Variants in ATP8A1 observed in about 807,000 individuals in gnomAD.
The protein encoded by ATP8A1 is ATPase phospholipid transporting 8A1.
In ATP8A1, 90 loss-of-function variants were observed where a neutral mutation model predicts 177.7. The ratio of observed to expected loss-of-function variants is 0.51; its 90% CI spans 0.43 to 0.60. The LOEUF is 0.60. ATP8A1 is among the 20% of genes least tolerant of loss of function. ATP8A1 has a pLI of 0.00. For missense variants in ATP8A1, 1,072 were observed against 1,392.8 expected (o/e 0.77, Z 3.67); for synonymous variants, 493 against 485.9 (o/e 1.01, Z -0.19).
Position 42,627,032 on chromosome 4 carries a change from G to C in ATP8A1, c.127C>G (p.Gln43Glu). Residue 43 changes from glutamine (Q) to glutamate (E), a missense_variant, in exon 2 of 37, where the codon CAG becomes GAG. By Grantham distance (29) the Gln-to-Glu change is conservative. This residue lies in a region of ATP8A1 where 344 missense variants were observed against 393.5 expected (regional missense o/e 0.87). Transcript: ENST00000381668. Reference protein sequence around the residue: ...QEEVRTIFINQPQLTKFCNNH... With the variant: ...QEEVRTIFINEPQLTKFCNNH... Reference sequence around the variant, plus strand: ...TTGCAGAATTTTGTCAGCTGGGGCTGGTTGATGAAAATAGTCCTTACTTCC... The same window carrying C: ...TTGCAGAATTTTGTCAGCTGGGGCTCGTTGATGAAAATAGTCCTTACTTCC... The C allele has an allele frequency of 6.2e-7, 1 of 1,614,042 alleles. No individual in the cohort carries two copies. The highest frequency in any genetic ancestry group is 1.7e-4 in the Middle Eastern group (1 of 6,060).
intron 35 of ATP8A1, among the ~76,000 whole-genome samples, chr4:42,417,877 C>T (rs151269856): frequency 2.2e-4 from 34 of 152,204 alleles, no homozygotes; most frequent in African/African-American, 8.2e-4. Context: ...CTATCTCTGC[C>T]CTGGAGCTGA....
intron 4 of ATP8A1, among the ~76,000 whole-genome samples, chr4:42,616,550 A>G (rs777530551): frequency 6.6e-6 from 1 of 152,222 alleles, no homozygotes; most frequent in Admixed American, 6.5e-5. Context: ...CACATCCTCT[A>G]TAATTTAATG....
intron 1 of ATP8A1, among the ~76,000 whole-genome samples, chr4:42,632,986 G>C (rs1386270150): frequency 1.3e-5 from 2 of 152,190 alleles, no homozygotes; most frequent in East Asian, 3.8e-4. Flanking sequence ...GTTCAGAAGA[G>C]CAGGAAAATT....
At chr4:42,587,875 T>C (rs1733786683) in intron 8 of ATP8A1, among the ~76,000 whole-genome samples, 1 of 152,146 alleles carries the variant, frequency 6.6e-6, no homozygotes, top group Non-Finnish European at 1.5e-5. Context: ...CTCAAAGTGC[T>C]GGGATTACAG....
At chr4:42,551,135 AT>A in intron 18 of ATP8A1, 62 bp downstream of exon 18, 1 of 1,352,362 alleles carries the variant, frequency 7.4e-7, no homozygotes, top group Non-Finnish European at 1.1e-6. Flanking sequence ...GTATTACTTT[AT>A]CTTTGAAGCT....
In ATP8A1 at chr4:42,507,335, G is replaced by A. The variant is rs540396331; in HGVS notation, c.1948-181C>T. On this transcript the variant is annotated intron_variant, in intron 22 of 36. Transcript: ENST00000381668. Reference sequence around the variant, plus strand: ...TCCTTGACTTTCATGCAGTCTTTAGGCATTACACTGAGGCTCCCTGAAACT... The same window carrying A: ...TCCTTGACTTTCATGCAGTCTTTAGACATTACACTGAGGCTCCCTGAAACT... Among the ~76,000 whole-genome samples the A allele has an allele frequency of 7.2e-5, 11 of 152,216 alleles. No homozygotes were observed. In the South Asian group the frequency reaches 1.5e-3, roughly 20 times the overall value.
intron 24 of ATP8A1, among the ~76,000 whole-genome samples, chr4:42,491,441 G>A (rs1257127965): frequency 1.3e-5 from 2 of 152,114 alleles, no homozygotes; most frequent in Non-Finnish European, 2.9e-5. Context: ...TGAGAAATTA[G>A]AGACTAGCAG....
Position 42,575,649 on chromosome 4 carries a change from T to G in ATP8A1, c.1179A>C (p.Thr393=), listed in dbSNP as rs770979712. ...EPTDTAAMAR[T]SNLNEELGQV... The stretch of plus-strand genomic sequence containing the variant: ...GGCCAAGTTCCTCATTCAGATTAGA[T>G]GTTCGAGCCATAGCAGCAGTGTCTG... Residue 393 remains threonine, a synonymous_variant, in exon 13 of 37, where the codon ACA becomes ACC. Transcript: ENST00000381668. The G allele has an allele frequency of 6.2e-7, 1 of 1,613,714 alleles. No individual in the cohort carries two copies. Among genetic ancestry groups the G allele is most frequent in the Non-Finnish European group, 8.5e-7 (1 of 1,179,744 alleles).
intron 21 of ATP8A1, among the ~76,000 whole-genome samples, chr4:42,522,938 C>T (rs868353483): frequency 3.0e-4 from 45 of 152,214 alleles, no homozygotes; most frequent in African/African-American, 1.0e-3. Flanking sequence ...TTCTTCAGTA[C>T]CAAGCATAGT....
chr4:42,609,169 T>C (rs1399219742), intron 5 of ATP8A1, among the ~76,000 whole-genome samples: 3 of 152,054 alleles, frequency 2.0e-5, no homozygotes, highest in Non-Finnish European at 4.4e-5. Flanking sequence ...TTTAAATGAG[T>C]TGTCCTAAAA....
intron 1 of ATP8A1, among the ~76,000 whole-genome samples, chr4:42,634,555 A>G (rs776045161): frequency 5.3e-5 from 8 of 152,174 alleles, no homozygotes; most frequent in Non-Finnish European, 8.8e-5. Flanking sequence ...TACAGAATAT[A>G]ATCAAGGAGG....
intron 22 of ATP8A1, among the ~76,000 whole-genome samples, chr4:42,507,793 A>AAAAAAAAC (rs1560402806): frequency 1.3e-4 from 15 of 118,164 alleles, no homozygotes; most frequent in South Asian, 3.3e-4. Context: ...AAAAAAAAAA[A>AAAAAAAAC]AAAAAAAAAA....
At chr4:42,532,913 C>T (rs577705105) in intron 20 of ATP8A1, among the ~76,000 whole-genome samples, 55 of 152,344 alleles carry the variant, frequency 3.6e-4, no homozygotes, top group Admixed American at 4.6e-4. Flanking sequence ...AATATTCCCC[C>T]CAGCCCTTAA....
chr4:42,495,318 TAACATATG>T (rs1348398610), intron 24 of ATP8A1, among the ~76,000 whole-genome samples: 2 of 152,250 alleles, frequency 1.3e-5, no homozygotes, highest in African/African-American at 4.8e-5. Flanking sequence ...GCTCCCATAA[TAACATATG>T]GATAAACCAT....
intron 15 of ATP8A1, among the ~76,000 whole-genome samples, chr4:42,563,207 A>G (rs4861203): frequency 0.89 from 135,462 of 152,242 alleles, 60,663 homozygotes; most frequent in East Asian, 0.97. Flanking sequence ...AGATGCAGAC[A>G]AGGAACTTGT....
chr4:42,623,864 C>G (rs1577722844), intron 4 of ATP8A1, among the ~76,000 whole-genome samples: 1 of 152,070 alleles, frequency 6.6e-6, no homozygotes, highest in African/African-American at 2.4e-5. Context: ...AAAAGTCTCT[C>G]CTTCTCTCTC....
At chr4:42,526,844 G>A (rs1173672967) in intron 20 of ATP8A1, among the ~76,000 whole-genome samples, 1 of 152,122 alleles carries the variant, frequency 6.6e-6, no homozygotes. Flanking sequence ...GGGGTTTCTG[G>A]AGGTGGCTGC....
Position 42,556,009 on chromosome 4 carries a change from A to C in ATP8A1, c.1372T>G (p.Phe458Val), listed in dbSNP as rs766099286. 6.2e-7 allele frequency: 1 copy of C among 1,612,118 alleles called. No homozygotes were observed. Among genetic ancestry groups the C allele is most frequent in the African/African-American group, 1.3e-5 (1 of 74,868 alleles). ...QNSQFGDEKT[F>V]SDSSLLENLQ... is the part of the protein sequence containing the mutation. ...TTTTCCAGCAATGATGAATCACTAAATGTTTTTTCATCTCCAAACTGTGAG... is the reference window on the plus strand; with the variant it reads ...TTTTCCAGCAATGATGAATCACTAACTGTTTTTTCATCTCCAAACTGTGAG... The change falls in exon 16 of 37, where the codon TTT becomes GTT. Residue 458 changes from phenylalanine to valine, a missense_variant. Physicochemically the swap from Phe to Val is conservative, Grantham distance 50 (BLOSUM62 -1). Transcript: ENST00000381668.
intron 24 of ATP8A1, among the ~76,000 whole-genome samples, chr4:42,487,318 A>G (rs1272798265): frequency 6.6e-6 from 1 of 152,164 alleles, no homozygotes; most frequent in Non-Finnish European, 1.5e-5. Context: ...TCAAAGGGAT[A>G]AAGTTTCAAT....
Sources: allele counts gnomAD v4.1 joint callset (sites outside exome capture counted in the v4.1 genomes callset), GRCh38; gene constraint gnomAD v4.1.1; regional missense constraint gnomAD v4.1.1; transcripts MANE v1.5; gene names NCBI Gene and HGNC (gene_info 2026-07-23, HGNC 2026-07-21).